CDH19: variants seen among roughly 807,000 people sequenced by gnomAD.
The protein encoded by CDH19 is cadherin-19.
Under a neutral mutation model 64.2 loss-of-function variants are expected in CDH19, and 67 were observed. The ratio of observed to expected loss-of-function variants is 1.04; its 90% CI spans 0.86 to 1.28. The LOEUF is 1.28. Among genes scored for constraint, CDH19 ranks in the 50% most tolerant of loss-of-function variants. CDH19 has a pLI of 0.00. For synonymous variants in CDH19, 346 were observed against 319.3 expected (o/e 1.08, Z -0.89); for missense variants, 1,030 against 929.0 (o/e 1.11, Z -1.41).
intron 1 of CDH19, among the ~76,000 whole-genome samples, chr18:66,580,891 A>G (rs1244784171): frequency 6.6e-6 from 1 of 152,116 alleles, no homozygotes; most frequent in African/African-American, 2.4e-5. Flanking sequence ...GCAGAAGTGA[A>G]AAACATTTCA....
chr18:66,567,010 C>A (rs889559641), intron 3 of CDH19, among the ~76,000 whole-genome samples: 1 of 151,748 alleles, frequency 6.6e-6, no homozygotes, highest in Non-Finnish European at 1.5e-5. Flanking sequence ...AATATCACCT[C>A]CTAAAATGTC....
At position 66,544,823 on chromosome 18, in the gene CDH19, C is replaced by T; in HGVS notation, c.856G>A (p.Gly286Arg). Residue 286 changes from glycine (G) to arginine (R), a missense_variant, in exon 6 of 12, where the codon GGA becomes AGA. Transcript: ENST00000262150. ...CTGTAATCCATTTCTGCATTCTCTC[C>T]TATGTCATTATCATATGCCATGATT... The part of the protein sequence containing the change: ...GTIMAYDNDI[G>R]ENAEMDYSIE... 1 of 1,612,204 alleles carries T rather than the reference C, an allele frequency of 6.2e-7. No homozygotes were observed. Among genetic ancestry groups the T allele is most frequent in the South Asian group, 1.1e-5 (1 of 91,018 alleles).
At chr18:66,569,923 C>T (rs181938951) in intron 2 of CDH19, among the ~76,000 whole-genome samples, 9 of 151,656 alleles carry the variant, frequency 5.9e-5, no homozygotes, top group South Asian at 2.1e-4. Context: ...ACTTTCTTTG[C>T]GGTTGTGGAG....
intron 3 of CDH19, among the ~76,000 whole-genome samples, chr18:66,565,023 T>C (rs775585373): frequency 2.0e-5 from 3 of 151,930 alleles, no homozygotes; most frequent in African/African-American, 7.2e-5. Context: ...TATCCTAAAC[T>C]ATTCTAATCA....
At chr18:66,543,416 A>G (rs1986970743) in intron 7 of CDH19, among the ~76,000 whole-genome samples, 1 of 152,072 alleles carries the variant, frequency 6.6e-6, no homozygotes, top group Admixed American at 6.5e-5. Flanking sequence ...CCTTTCCCCA[A>G]TTAAGAGGGA....
At chr18:66,592,276 T>C (rs1217072452) in intron 1 of CDH19, among the ~76,000 whole-genome samples, 1 of 151,802 alleles carries the variant, frequency 6.6e-6, no homozygotes, top group Non-Finnish European at 1.5e-5. Context: ...TGTACATATT[T>C]ATGGGATACA....
At position 66,529,846 on chromosome 18, in the gene CDH19, T is replaced by C. The variant is rs367965057; in HGVS notation, c.1457A>G (p.Gln486Arg). 2.1e-5 allele frequency: 34 copies of C among 1,587,498 alleles called. 1 individual carries two copies. In the African/African-American group the frequency reaches 3.9e-4, roughly 18 times the overall value. Residue 486 changes from glutamine (Q) to arginine (R), a missense_variant and splice_region_variant, in exon 9 of 12, where the codon CAG becomes CGG. Transcript: ENST00000262150. ...TTGTAATTTATAATGAGTCCTTACC[T>C]GACCAGAGCCTGCATTTTCACAAAC... ...TYVCENAGSGQVIQTISAVDR... is the reference protein window; with the variant it reads ...TYVCENAGSGRVIQTISAVDR...
At position 66,522,516 on chromosome 18, in the gene CDH19, T is replaced by C. The variant is rs144612214; in HGVS notation, c.1458+7329A>G. 7.3e-3 allele frequency among the ~76,000 whole-genome samples: 1,115 copies of C among 152,102 alleles called. 8 individuals carry two copies. Among genetic ancestry groups the C allele is most frequent in the African/African-American group, 0.025 (1,037 of 41,514 alleles). On this transcript the variant is annotated intron_variant, in intron 9 of 11. Transcript: ENST00000262150. ...CCACCTGCCTTGGCCTCCCAAAGTGTTGGGATAACAGGTGTGAGCCACTGT... is the reference window on the plus strand; with the variant it reads ...CCACCTGCCTTGGCCTCCCAAAGTGCTGGGATAACAGGTGTGAGCCACTGT...
At chr18:66,528,576 T>C (rs1986313827) in intron 9 of CDH19, among the ~76,000 whole-genome samples, 1 of 152,158 alleles carries the variant, frequency 6.6e-6, no homozygotes, top group Non-Finnish European at 1.5e-5. Flanking sequence ...GGAAAATATT[T>C]ATAGGCAAGA....
chr18:66,578,822 A>G (rs1170752842), intron 1 of CDH19, among the ~76,000 whole-genome samples: 1 of 152,044 alleles, frequency 6.6e-6, no homozygotes, highest in Non-Finnish European at 1.5e-5. Flanking sequence ...TCAGTAGTGA[A>G]AAGAAATGAA....
rs186035568 is a variant in CDH19, at chr18:66,580,470, T to C, written c.-112-8154A>G. On this transcript the variant is annotated intron_variant, in intron 1 of 11. Coordinates refer to ENST00000262150, the MANE Select transcript of CDH19 (RefSeq NM_021153.4). The stretch of plus-strand genomic sequence containing the variant: ...CTTGGCATAAAGCAATTAGTTAAGT[T>C]AGTAAGTCTAGGCAGAGAAAACTGA... Among the ~76,000 whole-genome samples, 4 of 152,218 alleles carry C rather than the reference T, an allele frequency of 2.6e-5. No individual in the cohort carries two copies. In the East Asian group the frequency reaches 5.8e-4, roughly 22 times the overall value.
chr18:66,568,096 T>C (rs1446052628), intron 3 of CDH19, among the ~76,000 whole-genome samples: 1 of 151,874 alleles, frequency 6.6e-6, no homozygotes, highest in Non-Finnish European at 1.5e-5. Flanking sequence ...CAAAAATATA[T>C]TTTGTTTTGA....
At chr18:66,548,864 T>C (rs1987236716) in intron 5 of CDH19, among the ~76,000 whole-genome samples, 1 of 152,122 alleles carries the variant, frequency 6.6e-6, no homozygotes. Flanking sequence ...TTTTGTCTTG[T>C]TTTAGGATGT....
intron 1 of CDH19, among the ~76,000 whole-genome samples, chr18:66,597,228 G>A (rs1440807815): frequency 7.2e-6 from 1 of 138,070 alleles, no homozygotes; most frequent in African/African-American, 2.6e-5. Context: ...CAAGGCTACA[G>A]TAATTAAAAC....
At chr18:66,562,883 A>T (rs143104852) in intron 3 of CDH19, among the ~76,000 whole-genome samples, 2 of 152,132 alleles carry the variant, frequency 1.3e-5, no homozygotes, top group Non-Finnish European at 2.9e-5. Context: ...CATCAGATGT[A>T]TTCTGCCATC....
chr18:66,557,753 A>G (rs1047454813), intron 3 of CDH19, among the ~76,000 whole-genome samples: 1 of 151,864 alleles, frequency 6.6e-6, no homozygotes, highest in Non-Finnish European at 1.5e-5. Context: ...GTGTATATAT[A>G]GGCATATATG....
intron 3 of CDH19, among the ~76,000 whole-genome samples, chr18:66,565,456 G>GA (rs1388881339): frequency 6.6e-6 from 1 of 151,770 alleles, no homozygotes; most frequent in African/African-American, 2.4e-5. Flanking sequence ...ATATATGTAA[G>GA]AAAAAGAAAC....
intron 4 of CDH19, among the ~76,000 whole-genome samples, chr18:66,552,004 T>A (rs1987361471): frequency 6.6e-6 from 1 of 151,786 alleles, no homozygotes; most frequent in African/African-American, 2.4e-5. Flanking sequence ...TCATTAAAAA[T>A]TGTGATATTA....
intron 3 of CDH19, among the ~76,000 whole-genome samples, chr18:66,562,755 T>TTG (rs1370585315): frequency 2.6e-5 from 4 of 152,132 alleles, no homozygotes; most frequent in Admixed American, 6.6e-5. Flanking sequence ...AATATATTTG[T>TTG]TGTGTGTGTG....
Sources: gnomAD v4.1 joint callset for allele counts (sites outside exome capture counted in the v4.1 genomes callset) on GRCh38, gnomAD v4.1.1 for gene constraint, MANE v1.5 for transcripts, NCBI Gene and HGNC (gene_info 2026-07-23, HGNC 2026-07-21) for gene names.